SLC25A40: variants seen among roughly 807,000 people sequenced by gnomAD.
SLC25A40 encodes solute carrier family 25 member 40.
In SLC25A40, 41 loss-of-function variants were observed where a neutral mutation model predicts 46.5. The observed-to-expected ratio is 0.88, with a 90% CI of 0.69 to 1.14. The LOEUF is 1.14. SLC25A40 is among the 50% of genes most tolerant of loss of function. The pLI is 0.00. For synonymous variants in SLC25A40, 126 were observed against 127.5 expected (o/e 0.99, Z 0.08); for missense variants, 386 against 393.6 (o/e 0.98, Z 0.16).
chr7:87,843,558 T>C (rs1411797231), intron 9 of SLC25A40, among the ~76,000 whole-genome samples, 196 bp downstream of exon 9: 1 of 152,060 alleles, frequency 6.6e-6, no homozygotes, highest in Non-Finnish European at 1.5e-5. Context: ...TTTTGTAACA[T>C]AAAAACAAAT....
intron 5 of SLC25A40, among the ~76,000 whole-genome samples, chr7:87,853,333 C>G (rs117410911): frequency 0.028 from 4,255 of 152,242 alleles, 59 homozygotes; most frequent in Middle Eastern, 0.048. Context: ...CATCAAAACA[C>G]TAGTGAAGAT....
intron 3 of SLC25A40, among the ~76,000 whole-genome samples, chr7:87,857,038 TTTG>T (rs1838625691): frequency 6.6e-6 from 1 of 152,204 alleles, no homozygotes; most frequent in Non-Finnish European, 1.5e-5. Context: ...GTTCTAATCA[TTTG>T]TTATTTACAT....
At chr7:87,850,631 G>A (rs1838493132) in intron 5 of SLC25A40, among the ~76,000 whole-genome samples, 1 of 152,000 alleles carries the variant, frequency 6.6e-6, no homozygotes, top group Non-Finnish European at 1.5e-5. Flanking sequence ...TGCTGGGCAT[G>A]GTGACGCACT....
intron 1 of SLC25A40, among the ~76,000 whole-genome samples, chr7:87,865,576 G>C (rs1562749809): frequency 6.6e-6 from 1 of 152,104 alleles, no homozygotes; most frequent in Admixed American, 6.6e-5. Flanking sequence ...TTTGAGACCT[G>C]CCTGGCCAAG....
intron 10 of SLC25A40, 103 bp downstream of exon 10, chr7:87,841,530 C>T: frequency 1.6e-6 from 1 of 617,262 alleles, no homozygotes; most frequent in Non-Finnish European, 2.6e-6. Flanking sequence ...AAGAATAATG[C>T]AGAAGAAAAA....
At chr7:87,838,727 TACTC>T (rs1239081408) in intron 10 of SLC25A40, among the ~76,000 whole-genome samples, 3 of 151,554 alleles carry the variant, frequency 2.0e-5, no homozygotes, top group Non-Finnish European at 4.4e-5. Context: ...TCCAGATGTA[TACTC>T]ACTCTTCTTT....
chr7:87,875,253 C>T (rs1838974232), intron 1 of SLC25A40, among the ~76,000 whole-genome samples: 1 of 152,222 alleles, frequency 6.6e-6, no homozygotes, highest in African/African-American at 2.4e-5. Context: ...ACATCTTTAA[C>T]TGTCTAATAA....
intron 1 of SLC25A40, among the ~76,000 whole-genome samples, chr7:87,872,877 C>T (rs1838915530): frequency 6.6e-6 from 1 of 152,144 alleles, no homozygotes; most frequent in Non-Finnish European, 1.5e-5. Context: ...TCTTCAAGGG[C>T]CTGATAATGC....
In SLC25A40 at chr7:87,867,454, A is replaced by T. The variant is rs140920549; in HGVS notation, c.-93-6814T>A. Among the ~76,000 whole-genome samples, 51 of 152,294 alleles carry T rather than the reference A, an allele frequency of 3.3e-4. No individual in the cohort carries two copies. In the East Asian group the frequency reaches 6.8e-3, roughly 20 times the overall value. On this transcript the variant is annotated intron_variant, in intron 1 of 11. Transcript: ENST00000341119. ...AGATTTCATTTTTAAAAACAATTTCAATCTGTTTAATTTCTTTGATAAATT... is the reference window on the plus strand; with the variant it reads ...AGATTTCATTTTTAAAAACAATTTCTATCTGTTTAATTTCTTTGATAAATT...
At chr7:87,853,377 G>A (rs906702735) in intron 5 of SLC25A40, among the ~76,000 whole-genome samples, 5 of 152,330 alleles carry the variant, frequency 3.3e-5, no homozygotes, top group African/African-American at 1.2e-4. Flanking sequence ...CAGTGCTAAT[G>A]AAAATGTAAA....
intron 1 of SLC25A40, among the ~76,000 whole-genome samples, chr7:87,864,742 T>C (rs865832688): frequency 1.3e-5 from 2 of 152,126 alleles, no homozygotes; most frequent in Non-Finnish European, 2.9e-5. Context: ...TATGGTTGGG[T>C]CTTGGTTTTC....
At chr7:87,863,603 T>C (rs1838740570) in intron 1 of SLC25A40, among the ~76,000 whole-genome samples, 4 of 151,168 alleles carry the variant, frequency 2.6e-5, no homozygotes. Context: ...ACATACTAGA[T>C]GTACATGTTT....
At chr7:87,840,362 T>C (rs928440761) in intron 10 of SLC25A40, among the ~76,000 whole-genome samples, 1 of 151,700 alleles carries the variant, frequency 6.6e-6, no homozygotes, top group Non-Finnish European at 1.5e-5. Flanking sequence ...CAGCTGTAGG[T>C]ATATTGAATA....
chr7:87,840,612 AAAG>A (rs199937123), intron 10 of SLC25A40, among the ~76,000 whole-genome samples: 2,076 of 145,846 alleles, frequency 0.014, 45 homozygotes, highest in African/African-American at 0.047. Context: ...GATGAGAAGA[AAAG>A]AAGAACGAAA....
chr7:87,873,429 CTT>C (rs573186397), intron 1 of SLC25A40, among the ~76,000 whole-genome samples: 29 of 125,662 alleles, frequency 2.3e-4, no homozygotes, highest in African/African-American at 4.1e-4. Flanking sequence ...GAAAGGTTAA[CTT>C]TTTTTTTTTT....
chr7:87,849,057 T>C (rs897398963), intron 6 of SLC25A40, among the ~76,000 whole-genome samples: 1 of 152,242 alleles, frequency 6.6e-6, no homozygotes, highest in Non-Finnish European at 1.5e-5. Context: ...TATTAATTCA[T>C]GTAATCGCCA....
intron 10 of SLC25A40, 108 bp from the exon 11 acceptor site, chr7:87,836,918 A>G (rs1838264930): frequency 1.8e-6 from 1 of 562,788 alleles, no homozygotes; most frequent in Non-Finnish European, 2.9e-6. Flanking sequence ...TTTCTTTACC[A>G]TAAGAAGAGG....
intron 8 of SLC25A40, among the ~76,000 whole-genome samples, chr7:87,846,470 G>A (rs1206766393): frequency 6.6e-6 from 1 of 152,096 alleles, no homozygotes; most frequent in Non-Finnish European, 1.5e-5. Flanking sequence ...TCATAACTGA[G>A]TAATCAGTAC....
At chr7:87,855,196 TC>T (rs1267902471) in intron 4 of SLC25A40, among the ~76,000 whole-genome samples, 1 of 151,358 alleles carries the variant, frequency 6.6e-6, no homozygotes, top group African/African-American at 2.4e-5. Flanking sequence ...AAAAATAACT[TC>T]TTTTAAGTTA....
Sources: gnomAD v4.1 joint callset for allele counts (sites outside exome capture counted in the v4.1 genomes callset) on GRCh38, gnomAD v4.1.1 for gene constraint, MANE v1.5 for transcripts, NCBI Gene and HGNC (gene_info 2026-07-23, HGNC 2026-07-21) for gene names.